ALYREF: variants seen among roughly 807,000 people sequenced by gnomAD.
ALYREF encodes Aly/REF export factor.
ALYREF carries 1 observed loss-of-function variant against 25.2 expected under a neutral mutation model. The observed-to-expected ratio is 0.04, with a 90% CI of 0.01 to 0.19. The LOEUF is 0.19. Ranked by LOEUF, ALYREF falls within the 10% of genes least tolerant of loss-of-function variation. The probability of loss-of-function intolerance (pLI) is 1.00; values close to 1 mark genes in which losing one functional copy is unlikely to be tolerated. For missense variants in ALYREF, 328 were observed against 375.6 expected, an observed-to-expected ratio of 0.87 and a Z score of 1.05; for synonymous variants, 193 against 153.5, an observed-to-expected ratio of 1.26 and a Z score of -1.90.
At chr17:81,890,399 C>T (rs2143495842) in intron 2 of ALYREF, among the ~76,000 whole-genome samples, 1 of 152,348 alleles carries the variant, frequency 6.6e-6, no homozygotes, top group East Asian at 1.9e-4. Flanking sequence ...CCAAAAACCA[C>T]TCACATTTGG....
intron 1 of ALYREF, 30 bp from the exon 2 acceptor site, chr17:81,890,850 C>T (rs1259123840): frequency 4.3e-6 from 7 of 1,613,892 alleles, no homozygotes; most frequent in African/African-American, 1.3e-5. Context: ...AAGAGCAGAT[C>T]TGTGAGTCTC....
intron 3 of ALYREF, 66 bp downstream of exon 3, chr17:81,889,116 C>T: frequency 6.3e-7 from 1 of 1,594,112 alleles, no homozygotes. Context: ...ATATTCCTAC[C>T]TGGACAGGTG....
chr17:81,887,956 A>AT lies in ALYREF; in HGVS notation c.*174dup, dbSNP rs1240103416. 12 of 783,586 alleles carry AT rather than the reference A, an allele frequency of 1.5e-5. No individual in the cohort carries two copies. The highest frequency in any genetic ancestry group is 4.9e-5 in the South Asian group (2 of 40,504). 48.5% of individuals were successfully genotyped at this position (783,586 alleles called of 1,614,324 possible). ...CGGTACAAAACAGGTCTGTTTCAGA[A>AT]TTAAAAAAAAAAAAAAAGAAAAAAA... On this transcript the variant is annotated 3_prime_UTR_variant, in exon 6 of 6. Coordinates refer to ENST00000505490, the MANE Select transcript of ALYREF (RefSeq NM_005782.4).
Position 81,888,085 on chromosome 17 carries a change from G to A in ALYREF, c.*46C>T. On this transcript the variant is annotated 3_prime_UTR_variant, in exon 6 of 6. Transcript: ENST00000505490. The surrounding 1 kb of genome is among the most constrained non-coding windows in gnomAD (Gnocchi z 5.8). ...CCACCGCCCCCCAACCAGGGAGCAA[G>A]AGGAGACGCCTGGGTCCTGTTCCGC... The A allele has an allele frequency of 6.2e-7, 1 of 1,613,128 alleles. No homozygotes were observed. The highest frequency in any genetic ancestry group is 1.3e-5 in the African/African-American group (1 of 74,962).
chr17:81,887,877 G>GA lies in ALYREF; in HGVS notation c.*253dup. 2.3e-6 allele frequency: 1 copy of GA among 442,522 alleles called. No individual in the cohort carries two copies. Among genetic ancestry groups the GA allele is most frequent in the Admixed American group, 4.0e-5 (1 of 24,882 alleles). 27.4% of individuals were successfully genotyped at this position (442,522 alleles called of 1,614,324 possible). ...TTTCTATTTTATTATGGAAAAGGTG[G>GA]AAACGCCACCTTCTCCACAACAGCA... On this transcript the variant is annotated 3_prime_UTR_variant, in exon 6 of 6. Coordinates refer to ENST00000505490, the MANE Select transcript of ALYREF (RefSeq NM_005782.4).
At position 81,888,964 on chromosome 17, in the gene ALYREF, C is replaced by A; in HGVS notation, c.538+218G>T. The A allele has an allele frequency of 7.0e-7, 1 of 1,419,082 alleles. No individual in the cohort carries two copies. The highest frequency in any genetic ancestry group is 9.2e-7 in the Non-Finnish European group (1 of 1,088,780). The allele number at this position is 1,419,082 out of a possible 1,614,324, so 87.9% of individuals were successfully genotyped here. On this transcript the variant is annotated intron_variant, in intron 3 of 5. Transcript: ENST00000505490. This position sits in a 1 kb window ranked among gnomAD's most constrained non-coding sequence, Gnocchi z 5.8. ...ACAGAAGTGAATCTTCCGGAAGGAG[C>A]TGAAGGAGGGGAGGGATGTAGCTTG...
intron 3 of ALYREF, 94 bp downstream of exon 3, chr17:81,889,088 C>T: frequency 6.5e-7 from 1 of 1,537,266 alleles, no homozygotes; most frequent in Non-Finnish European, 8.8e-7. Context: ...AAAGTGTCCT[C>T]AGCCACAGGG....
intron 2 of ALYREF, 126 bp downstream of exon 2, chr17:81,890,563 T>C (rs376933767): frequency 2.8e-6 from 4 of 1,424,076 alleles, no homozygotes; most frequent in East Asian, 2.3e-5. Context: ...GGGTCTGTCC[T>C]GCAGCCCTTC....
chr17:81,890,676 C>T lies in ALYREF; in HGVS notation c.390+13G>A. 2 of 1,613,102 alleles carry T rather than the reference C, an allele frequency of 1.2e-6. No homozygotes were observed. Among genetic ancestry groups the T allele is most frequent in the Admixed American group, 1.7e-5 (1 of 59,962 alleles). ...CAGGGCGAACGGCTCACCGAGAAGCCCTCGTCTCTTACCTGAATATCGGCG... is the reference window on the plus strand; with the variant it reads ...CAGGGCGAACGGCTCACCGAGAAGCTCTCGTCTCTTACCTGAATATCGGCG... On this transcript the variant is annotated intron_variant, in intron 2 of 5. Coordinates refer to ENST00000505490, the MANE Select transcript of ALYREF (RefSeq NM_005782.4).
chr17:81,891,039 G>A, intron 1 of ALYREF: 6 of 724,958 alleles, frequency 8.3e-6, no homozygotes, highest in East Asian at 2.8e-5. Flanking sequence ...ACTTCCCGCC[G>A]CCTGTGCCGC....
In ALYREF at chr17:81,890,753, A is replaced by G; in HGVS notation, c.326T>C (p.Val109Ala). ...FDSGFGGGAG[V>A]ETGGKLLVSN... ...CACCAGCAGTTTCCCACCTGTCTCCACGCCGGCACCACCGCCGAAGCCACT... is the reference window on the plus strand; with the variant it reads ...CACCAGCAGTTTCCCACCTGTCTCCGCGCCGGCACCACCGCCGAAGCCACT... The change falls in exon 2 of 6, where the codon GTG becomes GCG. Residue 109 changes from valine (V) to alanine (A), a missense_variant. Physicochemically the swap from Val to Ala is moderately conservative, Grantham distance 64 (BLOSUM62 0). Around this residue, in one of 3 missense-constraint regions of ALYREF, gnomAD observed 70 missense variants for 129.9 expected, o/e 0.54. Transcript: ENST00000505490. 6.2e-7 allele frequency: 1 copy of G among 1,613,774 alleles called. No individual in the cohort carries two copies.
chr17:81,889,795 T>A (rs2039480125), intron 2 of ALYREF: 2 of 164,412 alleles, frequency 1.2e-5, no homozygotes, highest in South Asian at 3.0e-4. Flanking sequence ...TTCCCTCTCC[T>A]CCTACTCAAG....
intron 2 of ALYREF, among the ~76,000 whole-genome samples, chr17:81,890,130 G>A (rs561360780): frequency 2.0e-5 from 3 of 152,090 alleles, no homozygotes; most frequent in Non-Finnish European, 4.4e-5. Flanking sequence ...AATGCCATTG[G>A]GATTCAATTT....
At chr17:81,889,048 G>A in intron 3 of ALYREF, 134 bp downstream of exon 3, 1 of 1,467,432 alleles carries the variant, frequency 6.8e-7, no homozygotes, top group Non-Finnish European at 9.1e-7. Context: ...AGAGGTGGCA[G>A]ATGGAAGAGA....
At chr17:81,890,211 G>C (rs1316565919) in intron 2 of ALYREF, among the ~76,000 whole-genome samples, 1 of 152,082 alleles carries the variant, frequency 6.6e-6, no homozygotes, top group Non-Finnish European at 1.5e-5. Context: ...GGGACACGGC[G>C]GTGGGGAGTG....
In ALYREF at chr17:81,888,207, G is replaced by C. The variant is rs2039458357; in HGVS notation, c.780+34C>G. 6 of 1,613,808 alleles carry C rather than the reference G, an allele frequency of 3.7e-6. No individual in the cohort carries two copies. The highest frequency in any genetic ancestry group is 1.3e-5 in the African/African-American group (1 of 74,876). On this transcript the variant is annotated intron_variant, in intron 5 of 5. Coordinates refer to ENST00000505490, the MANE Select transcript of ALYREF (RefSeq NM_005782.4). The surrounding 1 kb of genome is among the most constrained non-coding windows in gnomAD (Gnocchi z 5.8). Reference sequence around the variant, plus strand: ...GCGGCCTGCTCCCCACTGCGGCTTTGACCAGGCCCCCAGCTGGCTCCCCCG... The same window carrying C: ...GCGGCCTGCTCCCCACTGCGGCTTTCACCAGGCCCCCAGCTGGCTCCCCCG...
chr17:81,889,508 C>G (rs2039474046), intron 2 of ALYREF, among the ~76,000 whole-genome samples, 179 bp from the exon 3 acceptor site: 1 of 152,152 alleles, frequency 6.6e-6, no homozygotes. Context: ...CCAAGAGCAC[C>G]TGGGTCTGAG....
Position 81,888,161 on chromosome 17 carries a change from G to T in ALYREF, c.781-16C>A. On this transcript the variant is annotated splice_polypyrimidine_tract_variant and intron_variant, in intron 5 of 5. Coordinates refer to ENST00000505490, the MANE Select transcript of ALYREF (RefSeq NM_005782.4). This position sits in a 1 kb window ranked among gnomAD's most constrained non-coding sequence, Gnocchi z 5.8. ...TGGTGTCCATCTGAAACACAGAGGAGAAAGAGGCTTGCATTCACAGGCGGC... is the reference window on the plus strand; with the variant it reads ...TGGTGTCCATCTGAAACACAGAGGATAAAGAGGCTTGCATTCACAGGCGGC... 6.2e-7 allele frequency: 1 copy of T among 1,614,114 alleles called. No homozygotes were observed.
In ALYREF at chr17:81,888,487, C is replaced by T; in HGVS notation, c.602+33G>A. 6.2e-7 allele frequency: 1 copy of T among 1,603,070 alleles called. No individual in the cohort carries two copies. Reference sequence around the variant, plus strand: ...AAGAGCGACGCAGCCTCACCCTCGGCCAATCCCCTTCCCCAGAGGCCCCGG... The same window carrying T: ...AAGAGCGACGCAGCCTCACCCTCGGTCAATCCCCTTCCCCAGAGGCCCCGG... On this transcript the variant is annotated intron_variant, in intron 4 of 5. Coordinates refer to ENST00000505490, the MANE Select transcript of ALYREF (RefSeq NM_005782.4). The surrounding 1 kb of genome is among the most constrained non-coding windows in gnomAD (Gnocchi z 5.8).
Sources: gnomAD v4.1 joint callset for allele counts (sites outside exome capture counted in the v4.1 genomes callset) on GRCh38, gnomAD v4.1.1 for gene constraint, gnomAD v4.1.1 regional missense constraint, Gnocchi (gnomAD v3.1) non-coding constraint, MANE v1.5 for transcripts, NCBI Gene and HGNC (gene_info 2026-07-23, HGNC 2026-07-21) for gene names.